Variants in RIMBP2 observed in about 807,000 individuals in gnomAD.
RIMBP2 encodes the protein RIMS-binding protein 2.
Under a neutral mutation model 118.6 loss-of-function variants are expected in RIMBP2, and 48 were observed. That is an observed-to-expected ratio of 0.40 (90% CI 0.32 to 0.51). The LOEUF (loss-of-function observed/expected upper bound fraction) is 0.51, where lower values mean the gene tolerates loss of function less well. RIMBP2 is among the 20% of genes least tolerant of loss of function. The pLI is 0.41. For missense variants in RIMBP2, 1,551 were observed against 1,768.3 expected, an observed-to-expected ratio of 0.88 and a Z score of 2.20; for synonymous variants, 762 against 742.9, an observed-to-expected ratio of 1.03 and a Z score of -0.42.
rs182882224 is a variant in RIMBP2 at position 130,647,085 on chromosome 12, C to T, written c.-351-18629G>A. Among the ~76,000 whole-genome samples the T allele has an allele frequency of 4.6e-5, 7 of 152,326 alleles. No homozygotes were observed. The East Asian group carries it at 1.2e-3, about 25-fold the overall frequency. The stretch of plus-strand genomic sequence containing the variant: ...AATAAAGGAAAATCTTGGGTTCCTT[C>T]ACGGGGAATTCCAGGCACCTAATTG... On this transcript the variant is annotated intron_variant, in intron 1 of 22. Transcript: ENST00000690449.
At chr12:130,644,501 T>C (rs1232347057) in intron 1 of RIMBP2, among the ~76,000 whole-genome samples, 1 of 152,134 alleles carries the variant, frequency 6.6e-6, no homozygotes, top group African/African-American at 2.4e-5. Context: ...AGAATCTATA[T>C]AAATGGGATG....
chr12:130,407,797 C>A lies in RIMBP2; in HGVS notation c.3622G>T (p.Val1208Leu). 6.2e-7 allele frequency: 1 copy of A among 1,613,930 alleles called. No homozygotes were observed. The highest frequency in any genetic ancestry group is 8.5e-7 in the Non-Finnish European group (1 of 1,179,852). The change falls in exon 20 of 23, where the codon GTA (valine) becomes TTA (leucine). Residue 1208 changes from valine (V) to leucine (L), a missense_variant. Val to Leu is a conservative substitution (Grantham distance 32). This residue lies in a region of RIMBP2 where 1,038 missense variants were observed against 1,125.1 expected (regional missense o/e 0.92). Coordinates refer to ENST00000690449, the MANE Select transcript of RIMBP2 (RefSeq NM_001393629.1). ...AGGGCCACCATTCTCCGCGTCGATA[C>A]CGAATGACGCCTGCCACTTCTCCTG... is the stretch of plus-strand genomic sequence containing the variant. ...RSRRSGRRHS[V>L]STRRMVALYD...
At chr12:130,616,903 G>A (rs1247154950) in intron 2 of RIMBP2, among the ~76,000 whole-genome samples, 1 of 152,218 alleles carries the variant, frequency 6.6e-6, no homozygotes, top group African/African-American at 2.4e-5. Flanking sequence ...GGCCTGAGCA[G>A]GAAGGAAAGG....
At chr12:130,565,777 G>A (rs1343408075) in intron 2 of RIMBP2, among the ~76,000 whole-genome samples, 1 of 152,182 alleles carries the variant, frequency 6.6e-6, no homozygotes, top group African/African-American at 2.4e-5. Flanking sequence ...CACAAAGGGT[G>A]ATATGAAAAA....
At chr12:130,649,823 G>T (rs528801999) in intron 1 of RIMBP2, among the ~76,000 whole-genome samples, 24 of 152,122 alleles carry the variant, frequency 1.6e-4, no homozygotes, top group African/African-American at 4.8e-4. Flanking sequence ...CCCCCGAAGA[G>T]GACGTGCGGG....
chr12:130,715,321 T>C (rs1950253395), intron 1 of RIMBP2, among the ~76,000 whole-genome samples: 1 of 151,986 alleles, frequency 6.6e-6, no homozygotes, highest in Non-Finnish European at 1.5e-5. Context: ...CCGGGGCCAG[T>C]GACCAGGCCG....
intron 6 of RIMBP2, among the ~76,000 whole-genome samples, chr12:130,467,881 T>C (rs756189307): frequency 3.9e-5 from 6 of 152,326 alleles, no homozygotes; most frequent in Non-Finnish European, 8.8e-5. Flanking sequence ...ACATTGGCCA[T>C]GTCCTGAATT....
At chr12:130,639,737 C>G (rs967435060) in intron 1 of RIMBP2, among the ~76,000 whole-genome samples, 1 of 152,044 alleles carries the variant, frequency 6.6e-6, no homozygotes, top group Non-Finnish European at 1.5e-5. Context: ...GCTCATGGGA[C>G]CCGCACCCTA....
chr12:130,549,042 T>C (rs1039517269), intron 2 of RIMBP2, among the ~76,000 whole-genome samples: 1 of 152,240 alleles, frequency 6.6e-6, no homozygotes, highest in African/African-American at 2.4e-5. Context: ...ACGTCTGTGC[T>C]AATAATTCTA....
intron 2 of RIMBP2, among the ~76,000 whole-genome samples, chr12:130,520,475 G>A (rs1455057140): frequency 1.3e-5 from 2 of 151,712 alleles, no homozygotes; most frequent in Non-Finnish European, 1.5e-5. Flanking sequence ...GACCAGCCTG[G>A]TCATGGTGAA....
Position 130,450,932 on chromosome 12 carries a change from G to T in RIMBP2, c.504+263C>A, listed in dbSNP as rs1319404493. ...CTGCGTCATCCTTGCACCCCTCGAT[G>T]GGATTTGCTTTTCTAAACGCTGCCT... On this transcript the variant is annotated intron_variant, in intron 8 of 22. Transcript: ENST00000690449. The surrounding 1 kb of genome is among the most constrained non-coding windows in gnomAD (Gnocchi z 4.8). Among the ~76,000 whole-genome samples the T allele has an allele frequency of 1.3e-5, 2 of 152,168 alleles. No homozygotes were observed. Among genetic ancestry groups the T allele is most frequent in the East Asian group, 3.9e-4 (2 of 5,188 alleles).
intron 4 of RIMBP2, among the ~76,000 whole-genome samples, chr12:130,483,073 G>T (rs145179476): frequency 0.11 from 3,372 of 30,918 alleles, 221 homozygotes; most frequent in Middle Eastern, 0.23. Context: ...ACATGTGTCA[G>T]ATTCTGCAGG....
intron 22 of RIMBP2, 32 bp downstream of exon 22, chr12:130,399,647 A>G (rs1010467796): frequency 6.2e-7 from 1 of 1,612,436 alleles, no homozygotes; most frequent in African/African-American, 1.3e-5. Flanking sequence ...AGAACGGGAC[A>G]GAGATTAAAA....
intron 1 of RIMBP2, among the ~76,000 whole-genome samples, chr12:130,701,858 C>T (rs184006949): frequency 3.6e-4 from 55 of 152,268 alleles, no homozygotes; most frequent in South Asian, 6.2e-4. Context: ...GTTGCCATGG[C>T]CCACCCCTTC....
At chr12:130,685,722 C>T (rs140113265) in intron 1 of RIMBP2, among the ~76,000 whole-genome samples, 1,700 of 152,296 alleles carry the variant, frequency 0.011, 21 homozygotes, top group Middle Eastern at 0.048. Flanking sequence ...AAGCAGATCA[C>T]TCCAAACAGC....
intron 1 of RIMBP2, among the ~76,000 whole-genome samples, chr12:130,645,504 C>A (rs559624834): frequency 6.6e-6 from 1 of 152,328 alleles, no homozygotes; most frequent in East Asian, 1.9e-4. Flanking sequence ...ACCTTCCACC[C>A]CTACAGTCAG....
At chr12:130,495,035 T>C (rs963485329) in intron 4 of RIMBP2, among the ~76,000 whole-genome samples, 2 of 135,042 alleles carry the variant, frequency 1.5e-5, no homozygotes, top group Admixed American at 8.0e-5. Context: ...TCCCCTTGGG[T>C]GTCTCTGTGC....
intron 3 of RIMBP2, among the ~76,000 whole-genome samples, chr12:130,513,718 A>G (rs575784243): frequency 1.3e-5 from 2 of 152,306 alleles, no homozygotes; most frequent in East Asian, 3.9e-4. Flanking sequence ...ACAGCCCAAC[A>G]TCACAGTTTG....
rs61934575 is a variant in RIMBP2, at chr12:130,532,268, T to C, written c.-216-14351A>G. The stretch of plus-strand genomic sequence containing the variant: ...CCTCTAGGAGGTACGTCTAATGAGA[T>C]GCGTATGTTTAGCCTCTAGGAGGTA... On this transcript the variant is annotated intron_variant, in intron 2 of 22. Transcript: ENST00000690449. Among the ~76,000 whole-genome samples the C allele has an allele frequency of 4.7e-3, 614 of 129,902 alleles. 11 individuals carry two copies. The highest frequency in any genetic ancestry group is 7.4e-3 in the Non-Finnish European group (409 of 55,594). The allele number at this position is 129,902 out of a possible 152,430, so 85.2% of individuals were successfully genotyped here.
Sources: allele counts gnomAD v4.1 joint callset (sites outside exome capture counted in the v4.1 genomes callset), GRCh38; gene constraint gnomAD v4.1.1; regional missense constraint gnomAD v4.1.1; non-coding constraint Gnocchi (gnomAD v3.1); transcripts MANE v1.5; gene names NCBI Gene and HGNC (gene_info 2026-07-23, HGNC 2026-07-21).